OXR1: variants seen among roughly 807,000 people sequenced by gnomAD.
OXR1 encodes oxidation resistance protein 1.
OXR1 carries 41 observed loss-of-function variants against 104.6 expected under a neutral mutation model. The ratio of observed to expected loss-of-function variants is 0.39; its 90% confidence interval spans 0.31 to 0.51. OXR1 has a LOEUF of 0.51. Among genes scored for constraint, OXR1 ranks in the 20% least tolerant of loss-of-function variants. The pLI, the probability that OXR1 is intolerant of heterozygous loss-of-function variation, is 0.77. For synonymous variants in OXR1, 348 were observed against 348.4 expected (o/e 1.00, Z 0.01); for missense variants, 955 against 1,031.9 (o/e 0.93, Z 1.02).
intron 2 of OXR1, among the ~76,000 whole-genome samples, chr8:106,423,215 C>A (rs936271965): frequency 3.3e-5 from 5 of 152,004 alleles, no homozygotes; most frequent in Non-Finnish European, 7.4e-5. Flanking sequence ...AAAAACATTT[C>A]AAAAAAGACT....
chr8:106,352,006 C>A lies in OXR1; in HGVS notation c.-138-7470C>A, dbSNP rs574897747. Among the ~76,000 whole-genome samples the A allele has an allele frequency of 3.9e-5, 6 of 152,190 alleles. No individual in the cohort carries two copies. In the South Asian group the frequency reaches 1.3e-3, roughly 32 times the overall value. ...TTTCTGACACCATAGTAGTCCCTGC[C>A]TCTCTACTCTGCAGTTCTTATGTAG... On this transcript the variant is annotated intron_variant, in intron 1 of 16. Transcript: ENST00000517566.
chr8:106,679,407 C>T, intron 4 of OXR1, 115 bp downstream of exon 4: 1 of 465,770 alleles, frequency 2.1e-6, no homozygotes, highest in Non-Finnish European at 3.8e-6. Flanking sequence ...TTTTAAAAAT[C>T]TGTATTTCAC....
At chr8:106,581,254 A>T (rs1366708259) in intron 3 of OXR1, 2 of 1,286,932 alleles carry the variant, frequency 1.6e-6, no homozygotes, top group Admixed American at 2.3e-5. Flanking sequence ...GCTGAGAAGT[A>T]AGTTTCTGAA....
chr8:106,370,703 T>G (rs773107116), intron 2 of OXR1, among the ~76,000 whole-genome samples: 2 of 152,246 alleles, frequency 1.3e-5, no homozygotes, highest in Non-Finnish European at 2.9e-5. Context: ...TTACACTTAT[T>G]GATTTGCATA....
chr8:106,685,918 A>G (rs1428315611), intron 6 of OXR1, among the ~76,000 whole-genome samples: 1 of 152,194 alleles, frequency 6.6e-6, no homozygotes, highest in Non-Finnish European at 1.5e-5. Flanking sequence ...AATGTGGTAT[A>G]TATATACCGT....
chr8:106,634,854 CT>C (rs1366014449), intron 3 of OXR1, among the ~76,000 whole-genome samples: 2 of 151,004 alleles, frequency 1.3e-5, no homozygotes, highest in African/African-American at 2.4e-5. Context: ...AAAAAAAGGC[CT>C]TTGCTAGGAT....
At chr8:106,500,117 A>G (rs1563563888) in intron 2 of OXR1, among the ~76,000 whole-genome samples, 1 of 152,240 alleles carries the variant, frequency 6.6e-6, no homozygotes, top group East Asian at 1.9e-4. Context: ...CTCCTGTGAA[A>G]TTACCAAAGA....
chr8:106,456,071 A>G (rs1437791137), intron 2 of OXR1, among the ~76,000 whole-genome samples: 1 of 152,150 alleles, frequency 6.6e-6, no homozygotes, highest in Non-Finnish European at 1.5e-5. Flanking sequence ...GAAAGAAATA[A>G]AAAGAGATCA....
chr8:106,503,324 G>A (rs1047609813), intron 2 of OXR1, among the ~76,000 whole-genome samples: 2 of 152,160 alleles, frequency 1.3e-5, no homozygotes, highest in South Asian at 2.1e-4. Flanking sequence ...AGCTAAAACT[G>A]AGAAGGTACC....
At chr8:106,438,137 ATC>A (rs1334982609) in intron 2 of OXR1, among the ~76,000 whole-genome samples, 17 of 152,100 alleles carry the variant, frequency 1.1e-4, no homozygotes, top group African/African-American at 3.6e-4. Flanking sequence ...ATATGTGTGG[ATC>A]TCTTTGTGTC....
At position 106,284,588 on chromosome 8, in the gene OXR1, A is replaced by G. The variant is rs549631546; in HGVS notation, c.-139+14221A>G. On this transcript the variant is annotated intron_variant, in intron 1 of 16. Transcript: ENST00000517566. Reference sequence around the variant, plus strand: ...TTAAAAAGTCTTCTATTTAAACATAATGGACATGATACATATACCATAATA... The same window carrying G: ...TTAAAAAGTCTTCTATTTAAACATAGTGGACATGATACATATACCATAATA... Among the ~76,000 whole-genome samples the G allele has an allele frequency of 3.9e-5, 6 of 152,320 alleles. No individual in the cohort carries two copies. The East Asian group carries it at 1.2e-3, about 29-fold the overall frequency.
At chr8:106,634,399 G>C (rs1222755421) in intron 3 of OXR1, among the ~76,000 whole-genome samples, 1 of 152,140 alleles carries the variant, frequency 6.6e-6, no homozygotes, top group Non-Finnish European at 1.5e-5. Context: ...ACAAAATCAA[G>C]TTATAGTAGC....
chr8:106,349,846 T>C (rs532542902), intron 1 of OXR1, among the ~76,000 whole-genome samples: 110 of 152,004 alleles, frequency 7.2e-4, no homozygotes, highest in Middle Eastern at 3.4e-3. Flanking sequence ...CTCAGGAAAA[T>C]GCAAAGGAGA....
At chr8:106,271,472 C>T (rs1811805818) in intron 1 of OXR1, among the ~76,000 whole-genome samples, 1 of 151,946 alleles carries the variant, frequency 6.6e-6, no homozygotes, top group Non-Finnish European at 1.5e-5. Flanking sequence ...GTGGTCTGGC[C>T]CCAGAGGTGC....
At chr8:106,272,046 T>A (rs1811839887) in intron 1 of OXR1, 1 of 152,156 alleles carries the variant, frequency 6.6e-6, no homozygotes, top group South Asian at 2.1e-4. Context: ...AGACCAGCAT[T>A]TAAGGGATCT....
chr8:106,740,477 T>A lies in OXR1; in HGVS notation c.2298T>A (p.Ile766=), dbSNP rs1400829480. 4 of 1,612,136 alleles carry A rather than the reference T, an allele frequency of 2.5e-6. No homozygotes were observed. Among genetic ancestry groups the A allele is most frequent in the African/African-American group, 1.3e-5 (1 of 74,792 alleles). The change falls in exon 14 of 17, where the codon ATT becomes ATA. Residue 766 remains isoleucine, a synonymous_variant. Coordinates refer to ENST00000517566, the MANE Select transcript of OXR1 (RefSeq NM_001198533.2). The part of the protein sequence containing the change: ...TGLDTPVLMV[I]KDSDGQVFGA... ...TAGACACCCCAGTGCTGATGGTGAT[T>A]AAAGACAGTGATGGACAGGTATGAA... is the stretch of plus-strand genomic sequence containing the variant.
chr8:106,713,370 C>T (rs1441863448), intron 10 of OXR1, among the ~76,000 whole-genome samples: 1 of 151,834 alleles, frequency 6.6e-6, no homozygotes, highest in African/African-American at 2.4e-5. Context: ...CTGTATGTTC[C>T]TAGTATCATT....
chr8:106,287,860 T>C (rs1010378911), intron 1 of OXR1, among the ~76,000 whole-genome samples: 4 of 152,232 alleles, frequency 2.6e-5, no homozygotes, highest in Admixed American at 6.5e-5. Flanking sequence ...TGATTTGTTA[T>C]TAGTTCCTAT....
chr8:106,443,526 T>C (rs560463985), intron 2 of OXR1, among the ~76,000 whole-genome samples: 1 of 152,288 alleles, frequency 6.6e-6, no homozygotes, highest in African/African-American at 2.4e-5. Flanking sequence ...ACTCCTACTA[T>C]TATTGTGTGG....
Sources: gnomAD v4.1 joint callset for allele counts (sites outside exome capture counted in the v4.1 genomes callset) on GRCh38, gnomAD v4.1.1 for gene constraint, MANE v1.5 for transcripts, NCBI Gene and HGNC (gene_info 2026-07-23, HGNC 2026-07-21) for gene names.